UNC5D: variants seen among roughly 807,000 people sequenced by gnomAD.
UNC5D encodes netrin receptor UNC5D.
In UNC5D, 39 loss-of-function variants were observed where a neutral mutation model predicts 105.4. The ratio of observed to expected loss-of-function variants is 0.37; its 90% confidence interval spans 0.29 to 0.48. UNC5D has a LOEUF of 0.48. UNC5D is among the 20% of genes least tolerant of loss of function. The pLI, the probability that UNC5D is intolerant of heterozygous loss-of-function variation, is 0.98. For missense variants in UNC5D, 991 were observed against 1,202.4 expected, an observed-to-expected ratio of 0.82 and a Z score of 2.60; for synonymous variants, 452 against 450.4, an observed-to-expected ratio of 1.00 and a Z score of -0.04.
intron 1 of UNC5D, among the ~76,000 whole-genome samples, chr8:35,287,843 C>T (rs1424194852): frequency 6.6e-6 from 1 of 151,820 alleles, no homozygotes; most frequent in East Asian, 1.9e-4. Flanking sequence ...AATAAATATA[C>T]TTTAAAGCAG....
chr8:35,398,871 A>G (rs1016692669), intron 1 of UNC5D, among the ~76,000 whole-genome samples: 3 of 152,140 alleles, frequency 2.0e-5, no homozygotes, highest in African/African-American at 7.2e-5. Context: ...TCAATAAAAC[A>G]GTGGCTGAGC....
At chr8:35,417,081 T>C (rs993051966) in intron 1 of UNC5D, among the ~76,000 whole-genome samples, 1 of 152,216 alleles carries the variant, frequency 6.6e-6, no homozygotes, top group Non-Finnish European at 1.5e-5. Context: ...TTATTTGTGT[T>C]ACAAACAATC....
chr8:35,509,268 C>T (rs1812533006), intron 1 of UNC5D, among the ~76,000 whole-genome samples: 1 of 151,590 alleles, frequency 6.6e-6, no homozygotes. Flanking sequence ...ATTTCCTGTG[C>T]ACCAATCAAA....
chr8:35,679,757 T>C (rs570846630), intron 4 of UNC5D, among the ~76,000 whole-genome samples: 2 of 152,234 alleles, frequency 1.3e-5, no homozygotes, highest in South Asian at 4.1e-4. Context: ...AGAAAGAAGA[T>C]CATGGTAGGA....
chr8:35,237,593 A>G (rs1802554002), intron 1 of UNC5D, among the ~76,000 whole-genome samples: 1 of 152,106 alleles, frequency 6.6e-6, no homozygotes, highest in South Asian at 2.1e-4. Context: ...TGGCTGCGAA[A>G]CTAAGGCTAG....
At chr8:35,312,441 T>C (rs920513380) in intron 1 of UNC5D, among the ~76,000 whole-genome samples, 1 of 152,154 alleles carries the variant, frequency 6.6e-6, no homozygotes, top group African/African-American at 2.4e-5. Flanking sequence ...TAATGCTCTG[T>C]GTATCAGTAA....
chr8:35,636,459 C>T (rs1165316056), intron 4 of UNC5D, among the ~76,000 whole-genome samples: 1 of 152,186 alleles, frequency 6.6e-6, no homozygotes, highest in Admixed American at 6.5e-5. Context: ...TGTAGAACTC[C>T]CTGATGCCCC....
intron 6 of UNC5D, among the ~76,000 whole-genome samples, chr8:35,685,094 A>C (rs1825920221): frequency 6.6e-6 from 1 of 152,162 alleles, no homozygotes; most frequent in Non-Finnish European, 1.5e-5. Flanking sequence ...TTATTTGTAT[A>C]ATAGTTAGCA....
intron 1 of UNC5D, among the ~76,000 whole-genome samples, chr8:35,309,228 G>A (rs1808681650): frequency 6.6e-6 from 1 of 152,100 alleles, no homozygotes; most frequent in Non-Finnish European, 1.5e-5. Context: ...ACTGAAGTGT[G>A]ACTCAGATTA....
intron 1 of UNC5D, among the ~76,000 whole-genome samples, chr8:35,269,299 G>A (rs1805107521): frequency 1.3e-5 from 2 of 152,152 alleles, no homozygotes; most frequent in Non-Finnish European, 2.9e-5. Context: ...CAGACCCCAG[G>A]TGGCCCTGAA....
chr8:35,795,227 A>C lies in UNC5D; in HGVS notation c.*4664A>C, dbSNP rs1310119349. The C allele has an allele frequency of 6.6e-6, 1 of 152,156 alleles. No individual in the cohort carries two copies. Among genetic ancestry groups the C allele is most frequent in the South Asian group, 2.1e-4 (1 of 4,822 alleles). The allele number at this position is 152,156 out of a possible 1,614,324, so 9.4% of individuals were successfully genotyped here. A position where few individuals can be genotyped will look rare whatever the true frequency, so the allele number is the denominator to read the frequency against. On this transcript the variant is annotated 3_prime_UTR_variant, in exon 17 of 17. Coordinates refer to ENST00000404895, the MANE Select transcript of UNC5D (RefSeq NM_080872.4). ...AAGTTATAGCTTTGAATTATAGACT[A>C]TATTACTAAATTTGGTAAGGTAGTT...
chr8:35,781,712 G>A (rs577044246), intron 16 of UNC5D, among the ~76,000 whole-genome samples: 39 of 152,140 alleles, frequency 2.6e-4, no homozygotes, highest in African/African-American at 8.4e-4. Flanking sequence ...AAGTTTTATC[G>A]TCTTTTCATT....
chr8:35,537,292 A>G (rs1168462463), intron 1 of UNC5D, among the ~76,000 whole-genome samples: 1 of 152,236 alleles, frequency 6.6e-6, no homozygotes, highest in African/African-American at 2.4e-5. Flanking sequence ...ACTAACAAAT[A>G]TCTCAGAGAT....
chr8:35,782,257 T>C (rs1802534626), intron 16 of UNC5D, among the ~76,000 whole-genome samples: 1 of 152,216 alleles, frequency 6.6e-6, no homozygotes, highest in Non-Finnish European at 1.5e-5. Context: ...TGAGGATAAA[T>C]GGCTTTTCTC....
At chr8:35,626,517 A>G (rs944263891) in intron 4 of UNC5D, among the ~76,000 whole-genome samples, 1 of 152,216 alleles carries the variant, frequency 6.6e-6, no homozygotes, top group Non-Finnish European at 1.5e-5. Flanking sequence ...ATGATTAATT[A>G]GATTCTGTAA....
rs1325639900 is a variant in UNC5D at position 35,334,616 on chromosome 8, A to G, written c.103+98729A>G. 2.6e-5 allele frequency among the ~76,000 whole-genome samples: 4 copies of G among 151,942 alleles called. No individual in the cohort carries two copies. In the East Asian group the frequency reaches 7.8e-4, roughly 30 times the overall value. Reference sequence around the variant, plus strand: ...CAACCTCCGTCTCCCAGATTCAAGCAATTCTCCTGCCTCATCCTCCCGAGT... The same window carrying G: ...CAACCTCCGTCTCCCAGATTCAAGCGATTCTCCTGCCTCATCCTCCCGAGT... On this transcript the variant is annotated intron_variant, in intron 1 of 16. Transcript: ENST00000404895.
intron 1 of UNC5D, among the ~76,000 whole-genome samples, chr8:35,372,133 A>AT (rs1802459367): frequency 1.3e-5 from 2 of 151,638 alleles, no homozygotes; most frequent in African/African-American, 2.4e-5. Flanking sequence ...TTTAGTTTTC[A>AT]TTTTTTTTGA....
chr8:35,343,419 A>G (rs561984581), intron 1 of UNC5D, among the ~76,000 whole-genome samples: 1 of 152,238 alleles, frequency 6.6e-6, no homozygotes, highest in African/African-American at 2.4e-5. Flanking sequence ...GATTTCATCG[A>G]TCACTCAATA....
chr8:35,261,899 T>A (rs888227833), intron 1 of UNC5D, among the ~76,000 whole-genome samples: 4 of 152,148 alleles, frequency 2.6e-5, no homozygotes, highest in African/African-American at 9.7e-5. Context: ...CAGATATATA[T>A]CTCTAGCAAG....
Sources: allele counts gnomAD v4.1 joint callset (sites outside exome capture counted in the v4.1 genomes callset), GRCh38; gene constraint gnomAD v4.1.1; transcripts MANE v1.5; gene names NCBI Gene and HGNC (gene_info 2026-07-23, HGNC 2026-07-21).